The following CARMIL1 variants were observed in gnomAD, a reference collection of about 807,000 sequenced individuals.
CARMIL1 encodes the protein F-actin-uncapping protein LRRC16A.
CARMIL1 carries 90 observed loss-of-function variants against 177.1 expected under a neutral mutation model. The ratio of observed to expected loss-of-function variants is 0.51; its 90% CI spans 0.43 to 0.61. CARMIL1 has a LOEUF of 0.61. Ranked by LOEUF, CARMIL1 falls within the 20% of genes least tolerant of loss-of-function variation. CARMIL1 has a pLI of 0.00. For synonymous variants in CARMIL1, 577 were observed against 606.2 expected (o/e 0.95, Z 0.71); for missense variants, 1,380 against 1,667.0 (o/e 0.83, Z 3.00).
intron 26 of CARMIL1, among the ~76,000 whole-genome samples, chr6:25,546,253 C>T (rs1008266825): frequency 2.0e-5 from 3 of 151,540 alleles, no homozygotes; most frequent in East Asian, 1.9e-4. Context: ...CAGTGCAATA[C>T]GATAAACAAA....
rs73734017 is a variant in CARMIL1, at chr6:25,495,961, A to G, written c.1325+746A>G. ...AAAGTTGTCAGATATGCTCAAATGT[A>G]TGCATGGATTTCTCCCTTCCCAGCT... is the stretch of plus-strand genomic sequence containing the variant. On this transcript the variant is annotated intron_variant, in intron 16 of 36. Transcript: ENST00000329474. Among the ~76,000 whole-genome samples the G allele has an allele frequency of 8.1e-3, 1,229 of 152,312 alleles. 7 individuals are homozygous for G. The highest frequency in any genetic ancestry group is 0.02 in the African/African-American group (848 of 41,564).
chr6:25,582,177 G>A (rs1462487446), intron 31 of CARMIL1, among the ~76,000 whole-genome samples: 1 of 151,988 alleles, frequency 6.6e-6, no homozygotes, highest in Non-Finnish European at 1.5e-5. Context: ...CCCTCCCAAG[G>A]TCACTCCAGA....
intron 4 of CARMIL1, among the ~76,000 whole-genome samples, chr6:25,428,502 T>C (rs1796462226): frequency 6.6e-6 from 1 of 152,204 alleles, no homozygotes; most frequent in Non-Finnish European, 1.5e-5. Flanking sequence ...ATTGTTCTAG[T>C]GATTCTAGGT....
chr6:25,427,819 A>G (rs763877225), intron 4 of CARMIL1, among the ~76,000 whole-genome samples: 2 of 152,192 alleles, frequency 1.3e-5, no homozygotes, highest in African/African-American at 2.4e-5. Context: ...CATGTGGAGT[A>G]TCTTTTTATC....
intron 29 of CARMIL1, among the ~76,000 whole-genome samples, chr6:25,561,346 C>G (rs1429199847): frequency 6.6e-6 from 1 of 152,118 alleles, no homozygotes; most frequent in East Asian, 1.9e-4. Context: ...GTGTCTGCTC[C>G]TTAGGCATAA....
intron 35 of CARMIL1, among the ~76,000 whole-genome samples, chr6:25,606,476 T>A (rs1218999592): frequency 6.6e-6 from 1 of 152,122 alleles, no homozygotes; most frequent in Non-Finnish European, 1.5e-5. Context: ...AGGCCCACCA[T>A]GTGTGAGAGT....
At chr6:25,394,456 A>T (rs1339133480) in intron 2 of CARMIL1, among the ~76,000 whole-genome samples, 1 of 152,266 alleles carries the variant, frequency 6.6e-6, no homozygotes, top group Non-Finnish European at 1.5e-5. Context: ...CACTTGAGTA[A>T]GCCTTGTTTG....
intron 8 of CARMIL1, among the ~76,000 whole-genome samples, chr6:25,451,606 T>A (rs1798933941): frequency 6.6e-6 from 1 of 152,222 alleles, no homozygotes; most frequent in East Asian, 1.9e-4. Flanking sequence ...AAGCTTCATT[T>A]TTCCCCATGT....
rs1201048550 is a variant in CARMIL1 at position 25,558,478 on chromosome 6, G to A, written c.2742+1628G>A. Reference sequence around the variant, plus strand: ...TTTAGTTTTGTGAAAGGAAGAAAAAGGTTGTTTGTTTGTTTTAAGTGAGTG... The same window carrying A: ...TTTAGTTTTGTGAAAGGAAGAAAAAAGTTGTTTGTTTGTTTTAAGTGAGTG... On this transcript the variant is annotated intron_variant, in intron 29 of 36. Transcript: ENST00000329474. The surrounding 1 kb of genome is among the most constrained non-coding windows in gnomAD (Gnocchi z 4.1). 6.6e-6 allele frequency among the ~76,000 whole-genome samples: 1 copy of A among 152,154 alleles called. No individual in the cohort carries two copies. The highest frequency in any genetic ancestry group is 1.5e-5 in the Non-Finnish European group (1 of 68,030).
At chr6:25,281,201 T>C (rs1463549994) in intron 1 of CARMIL1, among the ~76,000 whole-genome samples, 1 of 149,958 alleles carries the variant, frequency 6.7e-6, no homozygotes, top group Non-Finnish European at 1.5e-5. Context: ...GCAGATCCTC[T>C]TCTCTCTCCC....
intron 24 of CARMIL1, among the ~76,000 whole-genome samples, chr6:25,535,562 G>A (rs1341428873): frequency 6.6e-6 from 1 of 152,118 alleles, no homozygotes; most frequent in East Asian, 1.9e-4. Context: ...TATTGCTTTA[G>A]AGAAACTGAA....
intron 2 of CARMIL1, among the ~76,000 whole-genome samples, chr6:25,396,101 G>T (rs1224116489): frequency 6.6e-6 from 1 of 151,954 alleles, no homozygotes. Context: ...AGCTGAGCAG[G>T]TTTATTTTGA....
chr6:25,583,157 G>C (rs76145263), intron 31 of CARMIL1, among the ~76,000 whole-genome samples: 2,962 of 152,304 alleles, frequency 0.019, 82 homozygotes, highest in African/African-American at 0.061. Context: ...TCTGAACAAA[G>C]AGGCCTTACT....
intron 8 of CARMIL1, 104 bp from the exon 9 acceptor site, chr6:25,465,769 T>A: frequency 1.3e-6 from 1 of 741,080 alleles, no homozygotes; most frequent in Non-Finnish European, 2.4e-6. Context: ...TGTTTCTGAA[T>A]AATAGAAATT....
intron 2 of CARMIL1, among the ~76,000 whole-genome samples, chr6:25,325,931 G>A (rs1206693371): frequency 2.0e-5 from 3 of 152,046 alleles, no homozygotes; most frequent in Non-Finnish European, 2.9e-5. Context: ...GTGCAGTGGC[G>A]CAATCTCAGC....
chr6:25,458,371 CCCAGCTCCTTGGGAG>C (rs1331872533), intron 8 of CARMIL1, among the ~76,000 whole-genome samples: 3 of 151,682 alleles, frequency 2.0e-5, no homozygotes, highest in African/African-American at 7.3e-5. Context: ...CGCCTGTAGC[CCCAGCTCCTTGGGAG>C]CCTGAGGCAG....
At chr6:25,332,775 G>GCGCACACACA (rs1554165981) in intron 2 of CARMIL1, among the ~76,000 whole-genome samples, 3 of 137,206 alleles carry the variant, frequency 2.2e-5, no homozygotes, top group African/African-American at 8.4e-5. Context: ...ACACACACGC[G>GCGCACACACA]CACACACACA....
chr6:25,398,711 T>C (rs1170417556), intron 2 of CARMIL1, among the ~76,000 whole-genome samples: 1 of 152,174 alleles, frequency 6.6e-6, no homozygotes, highest in African/African-American at 2.4e-5. Flanking sequence ...TCCAGAATCA[T>C]GCAAATTATT....
At chr6:25,385,353 T>G (rs896628266) in intron 2 of CARMIL1, among the ~76,000 whole-genome samples, 6 of 152,172 alleles carry the variant, frequency 3.9e-5, no homozygotes, top group Non-Finnish European at 5.9e-5. Context: ...ATTCGAACAG[T>G]TGAGTGGCAT....
Sources: allele counts gnomAD v4.1 joint callset (sites outside exome capture counted in the v4.1 genomes callset), GRCh38; gene constraint gnomAD v4.1.1; non-coding constraint Gnocchi (gnomAD v3.1); transcripts MANE v1.5; gene names NCBI Gene and HGNC (gene_info 2026-07-23, HGNC 2026-07-21).